NRG2: variants seen among roughly 807,000 people sequenced by gnomAD.
NRG2 encodes pro-neuregulin-2, membrane-bound isoform.
In NRG2, 27 loss-of-function variants were observed where a neutral mutation model predicts 73.9. The observed-to-expected ratio is 0.37, with a 90% CI of 0.27 to 0.50. NRG2 has a LOEUF of 0.50. Ranked by LOEUF, NRG2 falls within the 20% of genes least tolerant of loss-of-function variation. The pLI, the probability that NRG2 is intolerant of heterozygous loss-of-function variation, is 0.96. For synonymous variants in NRG2, 532 were observed against 541.0 expected (o/e 0.98, Z 0.23); for missense variants, 1,126 against 1,210.1 (o/e 0.93, Z 1.03).
At chr5:139,987,765 G>A (rs1757278230) in intron 1 of NRG2, among the ~76,000 whole-genome samples, 1 of 150,346 alleles carries the variant, frequency 6.7e-6, no homozygotes, top group South Asian at 2.1e-4. Flanking sequence ...TTTCATTTCT[G>A]CAGGTTGTTT....
intron 1 of NRG2, among the ~76,000 whole-genome samples, chr5:139,890,407 T>G (rs1187625022): frequency 6.6e-6 from 1 of 152,124 alleles, no homozygotes; most frequent in East Asian, 1.9e-4. Flanking sequence ...CTCAGTTACC[T>G]GCTTTTTTTA....
At chr5:140,035,062 G>T (rs1318902759) in intron 1 of NRG2, among the ~76,000 whole-genome samples, 2 of 152,064 alleles carry the variant, frequency 1.3e-5, no homozygotes. Flanking sequence ...TCTCTGCAAA[G>T]AAAGGAAGAC....
chr5:139,993,045 T>C (rs1335533519), intron 1 of NRG2, among the ~76,000 whole-genome samples: 3 of 152,192 alleles, frequency 2.0e-5, no homozygotes, highest in Non-Finnish European at 4.4e-5. Context: ...TGTGGTGTTT[T>C]CCTCTGTTGT....
chr5:139,988,016 CGCCT>C (rs1471441289), intron 1 of NRG2, among the ~76,000 whole-genome samples: 1 of 152,140 alleles, frequency 6.6e-6, no homozygotes, highest in African/African-American at 2.4e-5. Flanking sequence ...CCTTGTGATC[CGCCT>C]GCCTCGGCCT....
intron 1 of NRG2, among the ~76,000 whole-genome samples, chr5:139,945,007 T>A (rs1443901383): frequency 1.3e-5 from 2 of 152,202 alleles, no homozygotes; most frequent in Non-Finnish European, 2.9e-5. Context: ...TGATTAGTGA[T>A]GCTGAGGATT....
chr5:139,882,631 G>C (rs1763593369), intron 2 of NRG2, among the ~76,000 whole-genome samples: 1 of 152,052 alleles, frequency 6.6e-6, no homozygotes, highest in Non-Finnish European at 1.5e-5. Flanking sequence ...ACTCCAGCTT[G>C]CCCAGGGTAT....
At position 139,870,154 on chromosome 5, in the gene NRG2, C is replaced by T. The variant is rs1052586222; in HGVS notation, c.1112+1567G>A. Among the ~76,000 whole-genome samples the T allele has an allele frequency of 6.6e-6, 1 of 152,204 alleles. No homozygotes were observed. The highest frequency in any genetic ancestry group is 2.4e-5 in the African/African-American group (1 of 41,438). On this transcript the variant is annotated intron_variant, in intron 4 of 9. Coordinates refer to ENST00000361474, the MANE Select transcript of NRG2 (RefSeq NM_004883.3). This position sits in a 1 kb window ranked among gnomAD's most constrained non-coding sequence, Gnocchi z 4.4. ...GGACCCTGATGAATTTCTAGTAGAT[C>T]TGTTCCAAAGAACTCTGAGCAAGTT...
At chr5:139,958,756 C>T (rs2126492167) in intron 1 of NRG2, among the ~76,000 whole-genome samples, 1 of 152,312 alleles carries the variant, frequency 6.6e-6, no homozygotes, top group South Asian at 2.1e-4. Context: ...CCCACTATTT[C>T]CTGCCACCCC....
At chr5:139,859,908 G>A (rs1477001143) in intron 5 of NRG2, 3 of 1,610,638 alleles carry the variant, frequency 1.9e-6, no homozygotes, top group Non-Finnish European at 2.5e-6. Flanking sequence ...CAAATCCAAG[G>A]TGCTCTGGCA....
intron 1 of NRG2, among the ~76,000 whole-genome samples, chr5:139,943,647 A>G (rs188768787): frequency 6.6e-6 from 1 of 152,366 alleles, no homozygotes; most frequent in African/African-American, 2.4e-5. Flanking sequence ...ATCTAATTTA[A>G]TAACAAAATA....
intron 1 of NRG2, among the ~76,000 whole-genome samples, chr5:139,997,949 T>TA (rs1165581813): frequency 6.6e-6 from 1 of 152,194 alleles, no homozygotes; most frequent in African/African-American, 2.4e-5. Context: ...AAGCTTTTGT[T>TA]AAACACTTGC....
At chr5:139,971,115 A>T (rs770160018) in intron 1 of NRG2, among the ~76,000 whole-genome samples, 5 of 152,150 alleles carry the variant, frequency 3.3e-5, no homozygotes, top group Non-Finnish European at 7.4e-5. Context: ...CCTCTGGGCC[A>T]TAGTAAAGGA....
chr5:139,879,850 G>A (rs1486111203), intron 3 of NRG2, among the ~76,000 whole-genome samples: 1 of 152,154 alleles, frequency 6.6e-6, no homozygotes, highest in Non-Finnish European at 1.5e-5. Flanking sequence ...GGAGACCAAG[G>A]AGCACAAGGG....
chr5:140,013,799 C>T (rs1055386757), intron 1 of NRG2, among the ~76,000 whole-genome samples: 3 of 152,272 alleles, frequency 2.0e-5, no homozygotes, highest in South Asian at 4.2e-4. Context: ...TAACTTGACC[C>T]CTCAGCAGCA....
At chr5:140,023,876 T>C (rs1422089171) in intron 1 of NRG2, among the ~76,000 whole-genome samples, 1 of 152,136 alleles carries the variant, frequency 6.6e-6, no homozygotes, top group Non-Finnish European at 1.5e-5. Context: ...CGCCCAGCCC[T>C]GTAGCAAAAT....
intron 6 of NRG2, among the ~76,000 whole-genome samples, chr5:139,854,049 T>C (rs1018218566): frequency 5.3e-5 from 8 of 152,344 alleles, no homozygotes; most frequent in Non-Finnish European, 8.8e-5. Context: ...AAATATCTCA[T>C]GTACCCCATA....
intron 1 of NRG2, among the ~76,000 whole-genome samples, chr5:139,930,657 T>A (rs1015801236): frequency 3.9e-5 from 6 of 152,178 alleles, no homozygotes; most frequent in African/African-American, 1.4e-4. Context: ...CTATTCCAAC[T>A]CATGGCTCCA....
chr5:139,885,214 C>T (rs1048289121), intron 2 of NRG2, among the ~76,000 whole-genome samples: 3 of 151,974 alleles, frequency 2.0e-5, no homozygotes, highest in Non-Finnish European at 4.4e-5. Flanking sequence ...CACCCACAGG[C>T]GGAAAGGGAG....
intron 1 of NRG2, among the ~76,000 whole-genome samples, chr5:140,018,863 A>C (rs1170598010): frequency 6.6e-6 from 1 of 152,192 alleles, no homozygotes; most frequent in African/African-American, 2.4e-5. Context: ...ACTCATTTAC[A>C]GTGCCAGTGT....
Sources: gnomAD v4.1 joint callset for allele counts (sites outside exome capture counted in the v4.1 genomes callset) on GRCh38, gnomAD v4.1.1 for gene constraint, Gnocchi (gnomAD v3.1) non-coding constraint, MANE v1.5 for transcripts, NCBI Gene and HGNC (gene_info 2026-07-23, HGNC 2026-07-21) for gene names.